Variants in CELF4 observed in about 807,000 individuals in gnomAD.
CELF4 encodes the protein CUGBP Elav-like family member 4.
A neutral mutation model predicts 59.9 loss-of-function variants in CELF4; 18 were observed. The ratio of observed to expected loss-of-function variants is 0.30; its 90% CI spans 0.21 to 0.45. The LOEUF (loss-of-function observed/expected upper bound fraction) is 0.45. Among genes scored for constraint, CELF4 ranks in the 20% least tolerant of loss-of-function variants. The pLI is 1.00. For missense variants in CELF4, 456 were observed against 689.0 expected, an observed-to-expected ratio of 0.66 and a Z score of 3.79; for synonymous variants, 261 against 267.1, an observed-to-expected ratio of 0.98 and a Z score of 0.22.
At chr18:37,382,788 T>C (rs1483389874) in intron 2 of CELF4, among the ~76,000 whole-genome samples, 2 of 152,082 alleles carry the variant, frequency 1.3e-5, no homozygotes, top group African/African-American at 4.8e-5. Context: ...TGCACTTTGC[T>C]CATAGAAAGC....
At chr18:37,262,745 A>G (rs868742256) in intron 10 of CELF4, among the ~76,000 whole-genome samples, 18 of 152,172 alleles carry the variant, frequency 1.2e-4, no homozygotes, top group African/African-American at 4.3e-4. Context: ...GGACTCCTGG[A>G]CCCCACCCCT....
chr18:37,250,121 A>C (rs919041482), intron 12 of CELF4, among the ~76,000 whole-genome samples: 14 of 152,192 alleles, frequency 9.2e-5, no homozygotes, highest in Non-Finnish European at 1.8e-4. Context: ...GGGCGGGGCC[A>C]GGCTGGGTGT....
intron 1 of CELF4, among the ~76,000 whole-genome samples, chr18:37,495,206 A>G (rs1194798797): frequency 6.6e-6 from 1 of 152,202 alleles, no homozygotes; most frequent in African/African-American, 2.4e-5. Flanking sequence ...GCCAGGCTCA[A>G]GTCAGTGGGG....
intron 3 of CELF4, among the ~76,000 whole-genome samples, chr18:37,293,736 G>A (rs146105785): frequency 6.6e-6 from 1 of 152,084 alleles, no homozygotes; most frequent in East Asian, 1.9e-4. Flanking sequence ...AGAAATCTAT[G>A]GTATCCTAAG....
chr18:37,448,640 C>T (rs528243526), intron 2 of CELF4, among the ~76,000 whole-genome samples: 5 of 152,226 alleles, frequency 3.3e-5, no homozygotes, highest in South Asian at 2.1e-4. Flanking sequence ...CGGGAACTGC[C>T]GTGAGCTGCT....
chr18:37,431,362 C>CTTTTTT (rs35971960), intron 2 of CELF4, among the ~76,000 whole-genome samples: 107 of 81,510 alleles, frequency 1.3e-3, no homozygotes, highest in Non-Finnish European at 1.7e-3. Flanking sequence ...CCTTTCTTTC[C>CTTTTTT]TTTTTTTTTT....
intron 2 of CELF4, among the ~76,000 whole-genome samples, chr18:37,421,175 G>A (rs2099575797): frequency 6.6e-6 from 1 of 152,200 alleles, no homozygotes; most frequent in Non-Finnish European, 1.5e-5. Context: ...TCCGGGTCAT[G>A]GGGCAGGGCT....
At chr18:37,361,839 C>T (rs1244126969) in intron 2 of CELF4, among the ~76,000 whole-genome samples, 1 of 149,264 alleles carries the variant, frequency 6.7e-6, no homozygotes, top group Non-Finnish European at 1.5e-5. Flanking sequence ...TAGTGGCAGC[C>T]CCTGCTGGGG....
intron 2 of CELF4, among the ~76,000 whole-genome samples, chr18:37,395,158 T>C (rs1336674440): frequency 1.3e-5 from 2 of 152,092 alleles, no homozygotes; most frequent in Non-Finnish European, 2.9e-5. Context: ...GTTCACTGTC[T>C]CCCTGGCAGA....
intron 1 of CELF4, among the ~76,000 whole-genome samples, chr18:37,504,202 G>A (rs2099934934): frequency 6.6e-6 from 1 of 152,082 alleles, no homozygotes; most frequent in Admixed American, 6.5e-5. Flanking sequence ...TTAAGAATGG[G>A]GCTTACGGCC....
At chr18:37,335,516 G>T (rs2097738813) in intron 2 of CELF4, among the ~76,000 whole-genome samples, 1 of 150,532 alleles carries the variant, frequency 6.6e-6, no homozygotes, top group African/African-American at 2.5e-5. Flanking sequence ...TGTGTGTGGA[G>T]GTGTGGGGGT....
intron 2 of CELF4, among the ~76,000 whole-genome samples, chr18:37,465,139 A>G (rs1540076): frequency 0.35 from 52,473 of 151,956 alleles, 9,718 homozygotes; most frequent in East Asian, 0.59. Context: ...TGCCTTAGGA[A>G]AGCTCTTTGC....
chr18:37,264,342 T>A (rs2076364282), intron 10 of CELF4, among the ~76,000 whole-genome samples: 1 of 152,246 alleles, frequency 6.6e-6, no homozygotes, highest in South Asian at 2.1e-4. Flanking sequence ...TTTTGATATG[T>A]GAGCTCTGTG....
At chr18:37,364,564 G>T (rs1374961962) in intron 2 of CELF4, among the ~76,000 whole-genome samples, 1 of 152,176 alleles carries the variant, frequency 6.6e-6, no homozygotes, top group Non-Finnish European at 1.5e-5. Context: ...CCTGGATGGG[G>T]TTTCTCTTGG....
intron 2 of CELF4, among the ~76,000 whole-genome samples, chr18:37,446,056 G>A (rs953822685): frequency 6.6e-6 from 1 of 152,102 alleles, no homozygotes; most frequent in Admixed American, 6.5e-5. Context: ...CCCAGGCTTT[G>A]TTAGCGCCAT....
At chr18:37,559,737 G>C (rs990455260) in intron 1 of CELF4, among the ~76,000 whole-genome samples, 1 of 152,128 alleles carries the variant, frequency 6.6e-6, no homozygotes, top group African/African-American at 2.4e-5. Flanking sequence ...TATATTCCAA[G>C]GCCTCACTCA....
intron 2 of CELF4, among the ~76,000 whole-genome samples, chr18:37,455,157 T>C (rs888114085): frequency 6.6e-6 from 1 of 152,228 alleles, no homozygotes; most frequent in African/African-American, 2.4e-5. Context: ...CAGCAGCGCC[T>C]TCATTTTGTT....
intron 2 of CELF4, among the ~76,000 whole-genome samples, chr18:37,354,657 T>G (rs887979734): frequency 6.6e-6 from 1 of 152,180 alleles, no homozygotes; most frequent in East Asian, 1.9e-4. Context: ...CTCCCCTGAC[T>G]CCTTACACTG....
chr18:37,448,431 C>A (rs1035901290), intron 2 of CELF4, among the ~76,000 whole-genome samples: 1 of 152,238 alleles, frequency 6.6e-6, no homozygotes, highest in Non-Finnish European at 1.5e-5. Context: ...GACAGCTGAG[C>A]CCCCTGGCGA....
Sources: gnomAD v4.1 joint callset for allele counts (sites outside exome capture counted in the v4.1 genomes callset) on GRCh38, gnomAD v4.1.1 for gene constraint, MANE v1.5 for transcripts, NCBI Gene and HGNC (gene_info 2026-07-23, HGNC 2026-07-21) for gene names.